Variants in ZCCHC14 observed in about 807,000 individuals in gnomAD.
ZCCHC14 encodes zinc finger CCHC domain-containing protein 14.
ZCCHC14 carries 16 observed loss-of-function variants against 85.0 expected under a neutral mutation model. The observed-to-expected ratio is 0.19, with a 90% CI of 0.13 to 0.29. The LOEUF (loss-of-function observed/expected upper bound fraction) is 0.29, where lower values mean the gene tolerates loss of function less well. Ranked by LOEUF, ZCCHC14 falls within the 10% of genes least tolerant of loss-of-function variation. The probability of loss-of-function intolerance (pLI) is 1.00; values close to 1 mark genes in which losing one functional copy is unlikely to be tolerated. For missense variants in ZCCHC14, 1,303 were observed against 1,443.5 expected, an observed-to-expected ratio of 0.90 and a Z score of 1.58; for synonymous variants, 775 against 630.7, an observed-to-expected ratio of 1.23 and a Z score of -3.43.
chr16:87,433,451 G>A (rs1909761886), intron 2 of ZCCHC14, among the ~76,000 whole-genome samples: 1 of 152,152 alleles, frequency 6.6e-6, no homozygotes, highest in Admixed American at 6.5e-5. Context: ...GGCAGGAACG[G>A]CACTGGAGTA....
intron 1 of ZCCHC14, chr16:87,467,006 A>C (rs937128403): frequency 5.1e-6 from 2 of 396,018 alleles, no homozygotes; most frequent in African/African-American, 4.3e-5. Flanking sequence ...CCTCACAGTC[A>C]CTTTGGAGGT....
intron 1 of ZCCHC14, among the ~76,000 whole-genome samples, chr16:87,462,392 C>T (rs1911306072): frequency 6.6e-6 from 1 of 152,250 alleles, no homozygotes. Flanking sequence ...TAGTTCCAAA[C>T]AGTACATATT....
chr16:87,486,580 T>C (rs1401427019), intron 1 of ZCCHC14, among the ~76,000 whole-genome samples: 1 of 152,192 alleles, frequency 6.6e-6, no homozygotes, highest in Non-Finnish European at 1.5e-5. Context: ...AGCACATGAC[T>C]GTATGCCTCA....
chr16:87,416,070 C>T (rs548614765), intron 8 of ZCCHC14, among the ~76,000 whole-genome samples: 150 of 152,238 alleles, frequency 9.9e-4, no homozygotes, highest in African/African-American at 3.5e-3. Flanking sequence ...GGATTACAGG[C>T]ACCCACCACC....
rs749035542 is a variant in ZCCHC14, at chr16:87,417,698, G to A, written c.1145C>T (p.Ala382Val). The change falls in exon 8 of 13, where the codon GCC (alanine) becomes GTC (valine). Residue 382 changes from alanine to valine, a missense_variant. Ala to Val is a moderately conservative substitution (Grantham distance 64). This residue lies in a region of ZCCHC14 where 389 missense variants were observed against 397.8 expected (regional missense o/e 0.98). Transcript: ENST00000671377. ...GGCCGGGTGCTGCCCGTGGTGCTGG[G>A]CTCCGCTCTGCGAGGACGGGATACC... is the stretch of plus-strand genomic sequence containing the variant. Reference protein sequence around the residue: ...VAGIPSSQSGAQHHGQHPAGS... With the variant: ...VAGIPSSQSGVQHHGQHPAGS... The A allele has an allele frequency of 1.2e-5, 20 of 1,608,226 alleles. No individual in the cohort carries two copies. In the African/African-American group the frequency reaches 1.5e-4, roughly 12 times the overall value.
At chr16:87,416,127 T>C (rs1428627153) in intron 8 of ZCCHC14, among the ~76,000 whole-genome samples, 2 of 152,046 alleles carry the variant, frequency 1.3e-5, no homozygotes, top group South Asian at 2.1e-4. Context: ...GGTTTCACCA[T>C]CTTGGCCAGG....
chr16:87,434,632 C>A (rs1296786272), intron 2 of ZCCHC14, among the ~76,000 whole-genome samples: 1 of 152,254 alleles, frequency 6.6e-6, no homozygotes, highest in Non-Finnish European at 1.5e-5. Context: ...TTCTCCAGAG[C>A]CCTCTCCACG....
At chr16:87,455,854 T>C (rs75525852) in intron 2 of ZCCHC14, among the ~76,000 whole-genome samples, 2,471 of 152,334 alleles carry the variant, frequency 0.016, 25 homozygotes, top group Middle Eastern at 0.048. Flanking sequence ...AACTTCACTA[T>C]GAAGTGGGCT....
At chr16:87,445,105 T>G (rs1910372182) in intron 2 of ZCCHC14, among the ~76,000 whole-genome samples, 1 of 151,634 alleles carries the variant, frequency 6.6e-6, no homozygotes, top group South Asian at 2.1e-4. Context: ...TCTTGCTGTG[T>G]CACCAGGCTG....
intron 2 of ZCCHC14, among the ~76,000 whole-genome samples, chr16:87,444,384 C>G (rs118088432): frequency 0.016 from 2,473 of 152,214 alleles, 26 homozygotes; most frequent in Middle Eastern, 0.044. Flanking sequence ...ATCAGAGTAA[C>G]GACATTAATG....
chr16:87,453,615 G>A (rs1038996109), intron 2 of ZCCHC14, among the ~76,000 whole-genome samples: 1 of 152,236 alleles, frequency 6.6e-6, no homozygotes, highest in Non-Finnish European at 1.5e-5. Context: ...GCGGTCTAAG[G>A]ACTAAGGCAC....
intron 2 of ZCCHC14, among the ~76,000 whole-genome samples, chr16:87,458,376 G>A (rs1432861179): frequency 6.6e-6 from 1 of 152,196 alleles, no homozygotes; most frequent in African/African-American, 2.4e-5. Flanking sequence ...CCAGGATGAG[G>A]GTGCGGTGAA....
At chr16:87,454,462 G>A (rs978653492) in intron 2 of ZCCHC14, among the ~76,000 whole-genome samples, 2 of 152,090 alleles carry the variant, frequency 1.3e-5, no homozygotes, top group Non-Finnish European at 2.9e-5. Context: ...AAAAACAAGA[G>A]CCAGAATATA....
chr16:87,460,279 A>G (rs1313842156), intron 1 of ZCCHC14, 148 bp from the exon 2 acceptor site: 1 of 1,183,062 alleles, frequency 8.5e-7, no homozygotes, highest in Non-Finnish European at 1.1e-6. Flanking sequence ...TTCCCCAAGA[A>G]AGATGAAAAT....
In ZCCHC14 at chr16:87,459,893, TAA is replaced by T. The variant is rs568503130; in HGVS notation, c.694+113_694+114del. On this transcript the variant is annotated intron_variant, in intron 2 of 12. Transcript: ENST00000671377. ...CTTATAGAATTTAGAAAAATACACA[TAA>T]GATTGGCATTTATGAAAGATCTGAA... 189 of 1,476,918 alleles carry T rather than the reference TAA, an allele frequency of 1.3e-4. 1 individual carries two copies. In the African/African-American group the frequency reaches 2.3e-3, roughly 18 times the overall value. The allele number at this position is 1,476,918 out of a possible 1,614,324, so 91.5% of individuals were successfully genotyped here. A position where few individuals can be genotyped will look rare whatever the true frequency, so the allele number is the denominator to read the frequency against.
intron 2 of ZCCHC14, among the ~76,000 whole-genome samples, chr16:87,455,693 T>C (rs547460222): frequency 6.6e-6 from 1 of 152,330 alleles, no homozygotes; most frequent in East Asian, 1.9e-4. Context: ...TAAGTACAGA[T>C]GGTCCCTGAC....
At chr16:87,441,750 A>C (rs1226056976) in intron 2 of ZCCHC14, among the ~76,000 whole-genome samples, 1 of 152,266 alleles carries the variant, frequency 6.6e-6, no homozygotes, top group Non-Finnish European at 1.5e-5. Context: ...ACTCTTATAA[A>C]GTTGTTACAG....
At chr16:87,415,149 G>T in intron 9 of ZCCHC14, 127 bp downstream of exon 9, 1 of 688,456 alleles carries the variant, frequency 1.5e-6, no homozygotes, top group Non-Finnish European at 2.5e-6. Flanking sequence ...TAAAAGCATG[G>T]CTAAGGACTG....
At chr16:87,421,572 G>A (rs771106331) in intron 4 of ZCCHC14, among the ~76,000 whole-genome samples, 6 of 152,140 alleles carry the variant, frequency 3.9e-5, no homozygotes, top group Non-Finnish European at 8.8e-5. Flanking sequence ...CACAAGCCCA[G>A]CACCAGGTCG....
Sources: allele counts gnomAD v4.1 joint callset (sites outside exome capture counted in the v4.1 genomes callset), GRCh38; gene constraint gnomAD v4.1.1; regional missense constraint gnomAD v4.1.1; transcripts MANE v1.5; gene names NCBI Gene and HGNC (gene_info 2026-07-23, HGNC 2026-07-21).